NTM: variants seen among roughly 807,000 people sequenced by gnomAD.
NTM encodes neurotrimin.
A neutral mutation model predicts 42.1 loss-of-function variants in NTM; 13 were observed. That is an observed-to-expected ratio of 0.31 (90% confidence interval 0.20 to 0.49). NTM has a LOEUF of 0.49. Among genes scored for constraint, NTM ranks in the 20% least tolerant of loss-of-function variants. The pLI is 0.99. For missense variants in NTM, 373 were observed against 452.8 expected (o/e 0.82, Z 1.60); for synonymous variants, 187 against 179.2 (o/e 1.04, Z -0.35).
chr11:131,664,013 G>GT (rs1244101762), intron 1 of NTM, among the ~76,000 whole-genome samples: 1 of 152,208 alleles, frequency 6.6e-6, no homozygotes, highest in Non-Finnish European at 1.5e-5. Context: ...AGAGCAGAAG[G>GT]TGACAGGAAA....
At chr11:131,639,351 T>C (rs2064836389) in intron 1 of NTM, among the ~76,000 whole-genome samples, 1 of 152,236 alleles carries the variant, frequency 6.6e-6, no homozygotes, top group African/African-American at 2.4e-5. Context: ...TCTTTGCTGA[T>C]AGCATTTATT....
chr11:131,775,194 G>C (rs1202182230), intron 1 of NTM, among the ~76,000 whole-genome samples: 1 of 152,206 alleles, frequency 6.6e-6, no homozygotes, highest in Non-Finnish European at 1.5e-5. Flanking sequence ...AAAATATTCA[G>C]AAAAACGATG....
At chr11:131,908,221 C>T (rs915844378) in intron 1 of NTM, among the ~76,000 whole-genome samples, 4 of 152,192 alleles carry the variant, frequency 2.6e-5, no homozygotes, top group Admixed American at 2.6e-4. Context: ...AGAAACCAAA[C>T]ATCTCAAAGA....
chr11:131,523,078 T>C (rs1226232830), intron 1 of NTM, among the ~76,000 whole-genome samples: 1 of 152,200 alleles, frequency 6.6e-6, no homozygotes, highest in Non-Finnish European at 1.5e-5. Context: ...ATCTTTGAGA[T>C]GGATTGCTTG....
chr11:132,266,681 G>C (rs1011877757), intron 4 of NTM, among the ~76,000 whole-genome samples: 2 of 152,188 alleles, frequency 1.3e-5, no homozygotes, highest in African/African-American at 4.8e-5. Flanking sequence ...GAGAATCCAA[G>C]TGCCCTAGAT....
intron 1 of NTM, chr11:131,537,297 C>T (rs1000183505): frequency 6.6e-6 from 1 of 152,114 alleles, no homozygotes; most frequent in South Asian, 2.1e-4. Context: ...TGATAAAGAC[C>T]AGAGAGCTTG....
At chr11:131,400,509 C>T (rs1211293674) in intron 1 of NTM, among the ~76,000 whole-genome samples, 4 of 152,138 alleles carry the variant, frequency 2.6e-5, no homozygotes, top group Non-Finnish European at 5.9e-5. Flanking sequence ...TACTGTGTGA[C>T]CTTCAACAAT....
intron 7 of NTM, among the ~76,000 whole-genome samples, chr11:132,320,483 G>T (rs1222617268): frequency 6.6e-6 from 1 of 152,168 alleles, no homozygotes; most frequent in East Asian, 1.9e-4. Flanking sequence ...TTAAAAAACG[G>T]CGCACCATGA....
At chr11:132,292,809 AAAAAC>A (rs1204055823) in intron 4 of NTM, among the ~76,000 whole-genome samples, 1 of 151,254 alleles carries the variant, frequency 6.6e-6, no homozygotes, top group East Asian at 1.9e-4. Context: ...AAAAAAAAAA[AAAAAC>A]TAAAAAATGT....
chr11:131,489,337 C>G (rs189147722), intron 1 of NTM, among the ~76,000 whole-genome samples: 1 of 152,160 alleles, frequency 6.6e-6, no homozygotes, highest in African/African-American at 2.4e-5. Context: ...CTTCCTTATC[C>G]CTTTATTCAA....
intron 3 of NTM, among the ~76,000 whole-genome samples, chr11:132,161,660 G>A (rs1350704763): frequency 6.6e-6 from 1 of 151,300 alleles, no homozygotes; most frequent in Non-Finnish European, 1.5e-5. Flanking sequence ...TTCCCCTGGC[G>A]CCCCCTTGCC....
chr11:131,503,651 T>C (rs2047114127), intron 1 of NTM, among the ~76,000 whole-genome samples: 1 of 151,670 alleles, frequency 6.6e-6, no homozygotes, highest in Non-Finnish European at 1.5e-5. Flanking sequence ...GCCTCCCAAA[T>C]AGCTGGGACC....
At chr11:131,646,380 CACAAAGAAA>C (rs929217758) in intron 1 of NTM, among the ~76,000 whole-genome samples, 1 of 152,158 alleles carries the variant, frequency 6.6e-6, no homozygotes, top group African/African-American at 2.4e-5. Flanking sequence ...CTTCTAAACT[CACAAAGAAA>C]AAAAATTCTA....
intron 2 of NTM, among the ~76,000 whole-genome samples, chr11:132,065,863 T>C (rs937515584): frequency 6.6e-6 from 1 of 152,242 alleles, no homozygotes; most frequent in Admixed American, 6.5e-5. Context: ...CAGAAACTTA[T>C]CTGTGAGCAC....
chr11:132,314,381 C>A, intron 6 of NTM, 171 bp from the exon 7 acceptor site: 1 of 282,086 alleles, frequency 3.5e-6, no homozygotes, highest in Non-Finnish European at 5.4e-6. Flanking sequence ...GTGTCACTCA[C>A]TGTCTGTGAA....
At chr11:131,780,641 A>G (rs1240421338) in intron 1 of NTM, among the ~76,000 whole-genome samples, 1 of 152,196 alleles carries the variant, frequency 6.6e-6, no homozygotes, top group Non-Finnish European at 1.5e-5. Flanking sequence ...TGACACTTCT[A>G]TACTCAAGAT....
chr11:131,604,760 T>C (rs1215238283), intron 1 of NTM, among the ~76,000 whole-genome samples: 1 of 151,804 alleles, frequency 6.6e-6, no homozygotes, highest in East Asian at 1.9e-4. Context: ...CCCACTTCTT[T>C]CCTTTGTATG....
intron 2 of NTM, among the ~76,000 whole-genome samples, chr11:132,120,065 T>G (rs2064522793): frequency 6.6e-6 from 1 of 152,208 alleles, no homozygotes; most frequent in Admixed American, 6.5e-5. Flanking sequence ...GACCCCCGTC[T>G]GAGCCCCCCG....
At chr11:132,106,153 C>T (rs1354529182) in intron 2 of NTM, among the ~76,000 whole-genome samples, 2 of 152,222 alleles carry the variant, frequency 1.3e-5, no homozygotes, top group African/African-American at 2.4e-5. Context: ...GCTTGACCTA[C>T]ATTTTTACTT....
Sources: gnomAD v4.1 joint callset for allele counts (sites outside exome capture counted in the v4.1 genomes callset) on GRCh38, gnomAD v4.1.1 for gene constraint, MANE v1.5 for transcripts, NCBI Gene and HGNC (gene_info 2026-07-23, HGNC 2026-07-21) for gene names.